Variants in SUPT3H observed in about 807,000 individuals in gnomAD.
SUPT3H encodes transcription initiation protein SPT3 homolog.
In SUPT3H, 44 loss-of-function variants were observed where a neutral mutation model predicts 44.3. The ratio of observed to expected loss-of-function variants is 0.99; its 90% CI spans 0.78 to 1.28. The LOEUF (loss-of-function observed/expected upper bound fraction) is 1.28, where lower values mean the gene tolerates loss of function less well. Ranked by LOEUF, SUPT3H falls within the 50% of genes most tolerant of loss-of-function variation. The pLI is 0.00. For missense variants in SUPT3H, 380 were observed against 387.1 expected (o/e 0.98, Z 0.15); for synonymous variants, 124 against 125.6 (o/e 0.99, Z 0.09).
chr6:45,358,225 T>C lies in SUPT3H; in HGVS notation c.101+6976A>G, dbSNP rs75721683. Among the ~76,000 whole-genome samples the C allele has an allele frequency of 4.5e-4, 68 of 152,316 alleles. No individual in the cohort carries two copies. The East Asian group carries it at 0.011, about 25-fold the overall frequency. On this transcript the variant is annotated intron_variant, in intron 2 of 10. Coordinates refer to ENST00000371459, the MANE Select transcript of SUPT3H (RefSeq NM_003599.4). ...CAGAAAAGAAGCATTCTATAAATAA[T>C]TTGTATTTACTATATTTCTTCTGTG... is the stretch of plus-strand genomic sequence containing the variant.
At chr6:45,255,418 GT>G (rs11394172) in intron 2 of SUPT3H, among the ~76,000 whole-genome samples, 1,390 of 116,170 alleles carry the variant, frequency 0.012, 12 homozygotes, top group South Asian at 0.029. Flanking sequence ...CCTATAATAG[GT>G]TTTTTTTTTT....
At chr6:44,907,963 T>A (rs1379834196) in intron 10 of SUPT3H, among the ~76,000 whole-genome samples, 1 of 152,038 alleles carries the variant, frequency 6.6e-6, no homozygotes, top group Admixed American at 6.6e-5. Flanking sequence ...TATGGTAAAG[T>A]AAGGAACTGT....
At chr6:45,068,125 A>G (rs1327168313) in intron 3 of SUPT3H, among the ~76,000 whole-genome samples, 3 of 149,706 alleles carry the variant, frequency 2.0e-5, no homozygotes, top group African/African-American at 7.4e-5. Flanking sequence ...ATGGAATACT[A>G]TGCAGCCATA....
chr6:45,255,424 T>TG (rs1206688213), intron 2 of SUPT3H, among the ~76,000 whole-genome samples: 5 of 149,860 alleles, frequency 3.3e-5, no homozygotes, highest in Admixed American at 2.0e-4. Flanking sequence ...ATAGGTTTTT[T>TG]TTTTTTTTTT....
At chr6:45,281,659 C>T (rs1438376079) in intron 2 of SUPT3H, among the ~76,000 whole-genome samples, 1 of 152,182 alleles carries the variant, frequency 6.6e-6, no homozygotes, top group Admixed American at 6.5e-5. Flanking sequence ...GACTCCACCT[C>T]TGGGGGCAGG....
At chr6:45,132,746 T>G (rs1803666789) in intron 2 of SUPT3H, among the ~76,000 whole-genome samples, 1 of 152,222 alleles carries the variant, frequency 6.6e-6, no homozygotes, top group Admixed American at 6.5e-5. Context: ...AAAAATTTCC[T>G]TACTTTGCAA....
At chr6:45,239,024 C>T (rs962032983) in intron 2 of SUPT3H, among the ~76,000 whole-genome samples, 1 of 152,180 alleles carries the variant, frequency 6.6e-6, no homozygotes, top group Non-Finnish European at 1.5e-5. Flanking sequence ...GCTTCTTATT[C>T]TGGATCGAAA....
At chr6:45,111,075 C>T (rs1799984705) in intron 2 of SUPT3H, among the ~76,000 whole-genome samples, 1 of 150,018 alleles carries the variant, frequency 6.7e-6, no homozygotes, top group Non-Finnish European at 1.5e-5. Flanking sequence ...CTCTGTCACC[C>T]AGGCTGGAGT....
At chr6:45,278,897 C>G (rs962017420) in intron 2 of SUPT3H, among the ~76,000 whole-genome samples, 2 of 152,038 alleles carry the variant, frequency 1.3e-5, no homozygotes, top group African/African-American at 4.8e-5. Flanking sequence ...TTGTGACCTT[C>G]AAGCAACACA....
chr6:45,017,269 T>C (rs1231219021), intron 4 of SUPT3H, among the ~76,000 whole-genome samples: 107 of 147,558 alleles, frequency 7.3e-4, no homozygotes, highest in South Asian at 2.2e-3. Context: ...GAGTAGGTTG[T>C]GAAAATTTTC....
intron 2 of SUPT3H, among the ~76,000 whole-genome samples, chr6:45,108,247 T>A (rs1285048220): frequency 6.6e-6 from 1 of 152,200 alleles, no homozygotes; most frequent in Non-Finnish European, 1.5e-5. Context: ...AGGCCAAGGC[T>A]GGCGGATTGC....
intron 2 of SUPT3H, among the ~76,000 whole-genome samples, chr6:45,299,053 AT>A (rs1185706464): frequency 6.6e-6 from 1 of 152,194 alleles, no homozygotes; most frequent in Admixed American, 6.6e-5. Flanking sequence ...GTTTTGTAGA[AT>A]TACATGAAGT....
intron 10 of SUPT3H, among the ~76,000 whole-genome samples, chr6:44,830,218 C>CTAAG (rs540391888): frequency 6.6e-6 from 1 of 152,160 alleles, no homozygotes; most frequent in Admixed American, 6.6e-5. Flanking sequence ...TTCTAACTAA[C>CTAAG]TAAGTATCTT....
intron 2 of SUPT3H, among the ~76,000 whole-genome samples, chr6:45,134,210 A>C (rs1225967504): frequency 6.6e-6 from 1 of 152,180 alleles, no homozygotes; most frequent in African/African-American, 2.4e-5. Flanking sequence ...GCAAGGAAAC[A>C]AGCGAGGGCC....
chr6:45,190,022 A>G (rs2153618213), intron 2 of SUPT3H, among the ~76,000 whole-genome samples: 1 of 152,282 alleles, frequency 6.6e-6, no homozygotes, highest in African/African-American at 2.4e-5. Context: ...TTATTTCATG[A>G]ATGTTCTGCA....
intron 2 of SUPT3H, among the ~76,000 whole-genome samples, chr6:45,160,485 A>G (rs375467227): frequency 6.6e-6 from 1 of 152,196 alleles, no homozygotes; most frequent in East Asian, 1.9e-4. Context: ...TGAGCACGAC[A>G]CACACAGATT....
intron 2 of SUPT3H, among the ~76,000 whole-genome samples, chr6:45,298,590 C>G (rs1781652789): frequency 6.6e-6 from 1 of 151,794 alleles, no homozygotes; most frequent in Non-Finnish European, 1.5e-5. Flanking sequence ...CCGTCTTGGC[C>G]TCCCTAAAAT....
chr6:45,029,070 T>C (rs1786502869), intron 3 of SUPT3H, among the ~76,000 whole-genome samples: 2 of 151,920 alleles, frequency 1.3e-5, no homozygotes, highest in Admixed American at 1.3e-4. Flanking sequence ...TTAAGGTATT[T>C]GACGTAGTAT....
chr6:45,014,733 A>T, intron 5 of SUPT3H, 68 bp downstream of exon 5: 1 of 1,122,918 alleles, frequency 8.9e-7, no homozygotes, highest in South Asian at 1.9e-5. Flanking sequence ...TTGGAATTGC[A>T]TAAATGTGTT....
Sources: gnomAD v4.1 joint callset for allele counts (sites outside exome capture counted in the v4.1 genomes callset) on GRCh38, gnomAD v4.1.1 for gene constraint, MANE v1.5 for transcripts, NCBI Gene and HGNC (gene_info 2026-07-23, HGNC 2026-07-21) for gene names.